INPP4B: variants seen among roughly 807,000 people sequenced by gnomAD.
The protein encoded by INPP4B is inositol polyphosphate 4-phosphatase type II.
A neutral mutation model predicts 122.5 loss-of-function variants in INPP4B; 55 were observed. That is an observed-to-expected ratio of 0.45 (90% CI 0.36 to 0.56). INPP4B has a LOEUF of 0.56. INPP4B is among the 20% of genes least tolerant of loss of function. INPP4B has a pLI of 0.00. For missense variants in INPP4B, 1,000 were observed against 1,097.7 expected (o/e 0.91, Z 1.26); for synonymous variants, 403 against 388.7 (o/e 1.04, Z -0.43).
intron 2 of INPP4B, among the ~76,000 whole-genome samples, chr4:142,722,334 G>A (rs1764796948): frequency 6.6e-6 from 1 of 152,096 alleles, no homozygotes; most frequent in Non-Finnish European, 1.5e-5. Context: ...GACATTCAAA[G>A]CCAAGCTTTA....
intron 12 of INPP4B, among the ~76,000 whole-genome samples, chr4:142,231,316 T>C (rs1182224379): frequency 6.6e-6 from 1 of 152,220 alleles, no homozygotes; most frequent in Non-Finnish European, 1.5e-5. Flanking sequence ...TCCTCCATTC[T>C]CAATTTTACA....
At chr4:142,305,197 A>T (rs1207314989) in intron 9 of INPP4B, among the ~76,000 whole-genome samples, 1 of 152,228 alleles carries the variant, frequency 6.6e-6, no homozygotes, top group Non-Finnish European at 1.5e-5. Context: ...TCTTACTTTC[A>T]AAGAATTTCA....
intron 7 of INPP4B, among the ~76,000 whole-genome samples, chr4:142,352,981 A>C (rs1021679300): frequency 1.3e-5 from 2 of 151,824 alleles, no homozygotes; most frequent in Non-Finnish European, 2.9e-5. Context: ...ATATAACTAA[A>C]CTCCTGTCAC....
rs930520358 is a variant in INPP4B at position 142,163,337 on chromosome 4, G to A, written c.1360-2776C>T. Among the ~76,000 whole-genome samples the A allele has an allele frequency of 5.9e-5, 9 of 151,974 alleles. No individual in the cohort carries two copies. In the South Asian group the frequency reaches 8.3e-4, roughly 14 times the overall value. On this transcript the variant is annotated intron_variant, in intron 16 of 25. Coordinates refer to ENST00000262992, the MANE Select transcript of INPP4B (RefSeq NM_001101669.3). Reference sequence around the variant, plus strand: ...GGGATATAAATCGCCCAGTGTATCCGTGCTGTATATGCTACTAGCCCACTA... The same window carrying A: ...GGGATATAAATCGCCCAGTGTATCCATGCTGTATATGCTACTAGCCCACTA...
intron 5 of INPP4B, among the ~76,000 whole-genome samples, chr4:142,414,121 C>T (rs538141277): frequency 1.8e-4 from 27 of 152,116 alleles, no homozygotes; most frequent in Non-Finnish European, 3.5e-4. Flanking sequence ...AACTGATTCA[C>T]TTGTAAATTA....
At chr4:142,403,507 A>T (rs527571706) in intron 6 of INPP4B, among the ~76,000 whole-genome samples, 152 of 152,198 alleles carry the variant, frequency 1.0e-3, no homozygotes, top group African/African-American at 3.5e-3. Context: ...TCATGCTCTG[A>T]TAGTGTCCAT....
At chr4:142,332,414 T>C (rs1774869952) in intron 7 of INPP4B, among the ~76,000 whole-genome samples, 1 of 151,596 alleles carries the variant, frequency 6.6e-6, no homozygotes, top group Admixed American at 6.6e-5. Context: ...AAAACAGCAA[T>C]GGGATAGAAA....
intron 2 of INPP4B, among the ~76,000 whole-genome samples, chr4:142,624,255 C>T (rs1033117131): frequency 2.0e-5 from 3 of 151,868 alleles, no homozygotes; most frequent in Admixed American, 2.0e-4. Flanking sequence ...TTAATGATTG[C>T]CATTCTAACT....
chr4:142,788,597 T>A (rs1206543056), intron 1 of INPP4B, among the ~76,000 whole-genome samples: 2 of 152,102 alleles, frequency 1.3e-5, no homozygotes, highest in Non-Finnish European at 2.9e-5. Flanking sequence ...ACACAATTTG[T>A]AGTCTTTTAT....
chr4:142,302,356 G>A (rs1761795630), intron 9 of INPP4B, among the ~76,000 whole-genome samples: 1 of 152,080 alleles, frequency 6.6e-6, no homozygotes, highest in African/African-American at 2.4e-5. Context: ...CCATTAGTAA[G>A]GTATGTGATA....
In INPP4B at chr4:142,123,338, G is replaced by A; in HGVS notation, c.1971C>T (p.His657=). ...CATATTGTACTATCAACCCCACTGT[G>A]TGAAGCTGCTGTAGGAAGCCTGGGT... ...LYDPGFLQQL[H]TVGLIVQYEG... is the part of the protein sequence containing the mutation. The change falls in exon 20 of 26, where the codon CAC becomes CAT. Residue 657 remains histidine, a synonymous_variant. Transcript: ENST00000262992. 2 of 1,612,760 alleles carry A rather than the reference G, an allele frequency of 1.2e-6. No homozygotes were observed. Among genetic ancestry groups the A allele is most frequent in the East Asian group, 2.2e-5 (1 of 44,832 alleles).
At chr4:142,719,221 T>A (rs564682348) in intron 2 of INPP4B, among the ~76,000 whole-genome samples, 1 of 152,192 alleles carries the variant, frequency 6.6e-6, no homozygotes, top group Non-Finnish European at 1.5e-5. Context: ...ACAAATTAGA[T>A]TGAATCCTCC....
At chr4:142,502,889 T>G (rs1233896567) in intron 2 of INPP4B, among the ~76,000 whole-genome samples, 1 of 152,098 alleles carries the variant, frequency 6.6e-6, no homozygotes, top group Non-Finnish European at 1.5e-5. Flanking sequence ...CCTCCCTTTC[T>G]CCTACTGCAA....
At chr4:142,377,736 A>G (rs1261163531) in intron 7 of INPP4B, among the ~76,000 whole-genome samples, 1 of 152,130 alleles carries the variant, frequency 6.6e-6, no homozygotes, top group Non-Finnish European at 1.5e-5. Context: ...TGAATGTTGG[A>G]CTATCAGAAT....
chr4:142,119,581 G>A (rs1331434809), intron 21 of INPP4B, among the ~76,000 whole-genome samples: 2 of 151,048 alleles, frequency 1.3e-5, no homozygotes, highest in African/African-American at 4.9e-5. Context: ...TCACTCATAG[G>A]TGGGAACTGA....
At chr4:142,820,391 C>A (rs62331921) in intron 1 of INPP4B, among the ~76,000 whole-genome samples, 19,386 of 151,910 alleles carry the variant, frequency 0.13, 1,964 homozygotes, top group African/African-American at 0.29. Context: ...CTCACTTCCC[C>A]TCTTACCATG....
At chr4:142,482,077 G>A (rs982540550) in intron 2 of INPP4B, among the ~76,000 whole-genome samples, 1 of 152,194 alleles carries the variant, frequency 6.6e-6, no homozygotes, top group African/African-American at 2.4e-5. Context: ...ACACTGGTGA[G>A]CCATAGGGTT....
chr4:142,112,345 C>T (rs904736379), intron 22 of INPP4B, among the ~76,000 whole-genome samples, 197 bp downstream of exon 22: 3 of 152,170 alleles, frequency 2.0e-5, no homozygotes, highest in African/African-American at 7.2e-5. Flanking sequence ...ATTTTTGCCA[C>T]ATTTAAATTT....
intron 2 of INPP4B, among the ~76,000 whole-genome samples, chr4:142,591,668 T>C (rs139594162): frequency 0.013 from 1,990 of 152,240 alleles, 23 homozygotes; most frequent in Middle Eastern, 0.041. Context: ...TGACAAACAC[T>C]GTCTTATCCA....
Sources: allele counts gnomAD v4.1 joint callset (sites outside exome capture counted in the v4.1 genomes callset), GRCh38; gene constraint gnomAD v4.1.1; transcripts MANE v1.5; gene names NCBI Gene and HGNC (gene_info 2026-07-23, HGNC 2026-07-21).